Variants in PSIP1 observed in about 807,000 individuals in gnomAD.
PSIP1 encodes PC4 and SFRS1-interacting protein.
Under a neutral mutation model 74.7 loss-of-function variants are expected in PSIP1, and 19 were observed. The ratio of observed to expected loss-of-function variants is 0.25; its 90% CI spans 0.18 to 0.37. PSIP1 has a LOEUF of 0.37. PSIP1 is among the 10% of genes least tolerant of loss of function. PSIP1 has a pLI of 1.00. For missense variants in PSIP1, 601 were observed against 614.3 expected, an observed-to-expected ratio of 0.98 and a Z score of 0.23; for synonymous variants, 222 against 195.3, an observed-to-expected ratio of 1.14 and a Z score of -1.14.
At chr9:15,502,458 C>A (rs1333568230) in intron 3 of PSIP1, among the ~76,000 whole-genome samples, 1 of 152,118 alleles carries the variant, frequency 6.6e-6, no homozygotes, top group Non-Finnish European at 1.5e-5. Flanking sequence ...TTTTTACCCC[C>A]CAAGACAGGG....
At chr9:15,506,398 T>A (rs1286608761) in intron 3 of PSIP1, 163 bp downstream of exon 3, 2 of 493,860 alleles carry the variant, frequency 4.0e-6, no homozygotes, top group Non-Finnish European at 7.2e-6. Context: ...ACCTATAGCA[T>A]CTGTAAACGC....
rs58019501 is a variant in PSIP1, at chr9:15,470,934, T to TAAAA, written c.978-945_978-942dup. On this transcript the variant is annotated intron_variant, in intron 10 of 15. Transcript: ENST00000380733. ...CACAAAGCTTCATTTTAAGCTTGGT[T>TAAAA]AAAAAAAAAAAAAAAAAAAAAAAAC... 519 of 937,146 alleles carry TAAAA rather than the reference T, an allele frequency of 5.5e-4. 5 individuals are homozygous for TAAAA. The African/African-American group carries it at 8.5e-3, about 15-fold the overall frequency. 58.1% of individuals were successfully genotyped at this position (937,146 alleles called of 1,614,324 possible). A position where few individuals can be genotyped will look rare whatever the true frequency, so the allele number is the denominator to read the frequency against.
intron 3 of PSIP1, among the ~76,000 whole-genome samples, chr9:15,501,573 G>C (rs1409658929): frequency 6.6e-6 from 1 of 152,078 alleles, no homozygotes; most frequent in Non-Finnish European, 1.5e-5. Flanking sequence ...GGTGAAAAAT[G>C]TAATGAGGCT....
chr9:15,477,685 T>C (rs2036149913), intron 8 of PSIP1, among the ~76,000 whole-genome samples: 1 of 151,796 alleles, frequency 6.6e-6, no homozygotes, highest in Admixed American at 6.6e-5. Context: ...AGGATCCAAG[T>C]AGAAAAGGCA....
At chr9:15,486,352 G>A (rs7021042) in intron 5 of PSIP1, among the ~76,000 whole-genome samples, 105,164 of 152,070 alleles carry the variant, frequency 0.69, 38,715 homozygotes, top group Admixed American at 0.81. Context: ...CTGAATTATA[G>A]GGGTGGATAA....
intron 10 of PSIP1, chr9:15,470,674 T>TA: frequency 5.3e-6 from 5 of 935,954 alleles, no homozygotes; most frequent in Non-Finnish European, 6.4e-6. Flanking sequence ...AAATTTTGGT[T>TA]ACAGTTTCAT....
At chr9:15,475,113 C>G (rs1229952183) in intron 8 of PSIP1, among the ~76,000 whole-genome samples, 6 of 152,260 alleles carry the variant, frequency 3.9e-5, no homozygotes, top group Admixed American at 3.3e-4. Context: ...ATTCCCTGAC[C>G]ACTTAAGAAC....
Position 15,465,483 on chromosome 9 carries a change from ACTTCT to A in PSIP1, c.*32_*36del. 6.8e-7 allele frequency: 1 copy of A among 1,472,748 alleles called. No homozygotes were observed. The highest frequency in any genetic ancestry group is 9.3e-7 in the Non-Finnish European group (1 of 1,075,080). The allele number at this position is 1,472,748 out of a possible 1,614,324, so 91.2% of individuals were successfully genotyped here. A position where few individuals can be genotyped will look rare whatever the true frequency, so the allele number is the denominator to read the frequency against. ...CTATTTCAAATGAAAACCATTACAA[ACTTCT>A]CAAGTGTTCTCTATATTCCAGGTAT... On this transcript the variant is annotated 3_prime_UTR_variant, in exon 16 of 16. Transcript: ENST00000380733.
rs1295481484 is a variant in PSIP1, at chr9:15,464,112, T to C, written c.*1408A>G. On this transcript the variant is annotated 3_prime_UTR_variant, in exon 16 of 16. Transcript: ENST00000380733. ...TGAAAACAAGTTTACACGTTGAACT[T>C]ATGGCTTAACTAGAATAAATCTAAG... The C allele has an allele frequency of 1.1e-5, 2 of 180,806 alleles. No homozygotes were observed. The highest frequency in any genetic ancestry group is 9.1e-5 in the East Asian group (1 of 10,986). The allele number at this position is 180,806 out of a possible 1,614,324, so 11.2% of individuals were successfully genotyped here.
intron 8 of PSIP1, among the ~76,000 whole-genome samples, chr9:15,474,793 C>T (rs975909347): frequency 2.0e-5 from 3 of 152,050 alleles, no homozygotes; most frequent in African/African-American, 4.8e-5. Context: ...TCAAATAATG[C>T]AAATACTAAC....
rs149248057 is a variant in PSIP1 at position 15,491,465 on chromosome 9, G to A, written c.150-1341C>T. 1.9e-3 allele frequency among the ~76,000 whole-genome samples: 283 copies of A among 152,298 alleles called. 1 individual carries two copies. The highest frequency in any genetic ancestry group is 5.9e-3 in the African/African-American group (244 of 41,558). On this transcript the variant is annotated intron_variant, in intron 3 of 15. Coordinates refer to ENST00000380733, the MANE Select transcript of PSIP1 (RefSeq NM_033222.5). ...AATGACCTGTACAACAAGTACTACT[G>A]ATCTGGGCTTACAAATAATTTTGGT...
At chr9:15,477,005 C>T (rs1458057230) in intron 8 of PSIP1, among the ~76,000 whole-genome samples, 1 of 152,128 alleles carries the variant, frequency 6.6e-6, no homozygotes, top group African/African-American at 2.4e-5. Context: ...GCCAAGAAGA[C>T]AAACGGAGTG....
At chr9:15,472,590 C>G in intron 10 of PSIP1, 42 bp downstream of exon 10, 1 of 1,561,196 alleles carries the variant, frequency 6.4e-7, no homozygotes, top group East Asian at 2.3e-5. Flanking sequence ...CCATGCTAGC[C>G]TTTAAAAAGA....
At chr9:15,505,287 C>A (rs2037536099) in intron 3 of PSIP1, 1 of 152,098 alleles carries the variant, frequency 6.6e-6, no homozygotes. Context: ...TGGTGCTAGA[C>A]CTGACAACAC....
At chr9:15,500,363 G>A (rs972116415) in intron 3 of PSIP1, among the ~76,000 whole-genome samples, 70 of 152,260 alleles carry the variant, frequency 4.6e-4, no homozygotes, top group Admixed American at 9.1e-4. Flanking sequence ...TACTTGGGAG[G>A]CTGAGGCAGG....
intron 2 of PSIP1, 112 bp downstream of exon 2, chr9:15,510,005 G>T: frequency 1.8e-6 from 2 of 1,103,104 alleles, no homozygotes; most frequent in Non-Finnish European, 2.6e-6. Context: ...TTACAAATGA[G>T]ACTAAAGCGA....
At chr9:15,503,619 C>T (rs145256103) in intron 3 of PSIP1, among the ~76,000 whole-genome samples, 5 of 151,530 alleles carry the variant, frequency 3.3e-5, no homozygotes, top group South Asian at 2.1e-4. Flanking sequence ...CTATGATCGC[C>T]GCTGTGTTCC....
At chr9:15,475,777 G>A (rs2036048735) in intron 8 of PSIP1, among the ~76,000 whole-genome samples, 1 of 152,114 alleles carries the variant, frequency 6.6e-6, no homozygotes, top group African/African-American at 2.4e-5. Context: ...CTACCAATGA[G>A]TCTTTTCCCA....
chr9:15,493,895 C>A (rs1201017104), intron 3 of PSIP1, among the ~76,000 whole-genome samples: 1 of 152,140 alleles, frequency 6.6e-6, no homozygotes, highest in Admixed American at 6.5e-5. Flanking sequence ...CAGAGCCAAA[C>A]CATATCAGTA....
Sources: gnomAD v4.1 joint callset for allele counts (sites outside exome capture counted in the v4.1 genomes callset) on GRCh38, gnomAD v4.1.1 for gene constraint, MANE v1.5 for transcripts, NCBI Gene and HGNC (gene_info 2026-07-23, HGNC 2026-07-21) for gene names.